Variants in ARSF observed in about 807,000 individuals in gnomAD.
The protein encoded by ARSF is arylsulfatase F.
ARSF carries 33 observed loss-of-function variants against 35.4 expected under a neutral mutation model. The observed-to-expected ratio is 0.93, with a 90% CI of 0.71 to 1.25. The LOEUF (loss-of-function observed/expected upper bound fraction) is 1.25. Among genes scored for constraint, ARSF ranks in the 50% most tolerant of loss-of-function variants. The probability of loss-of-function intolerance (pLI) is 0.00; values close to 1 mark genes in which losing one functional copy is unlikely to be tolerated. For synonymous variants in ARSF, 222 were observed against 193.1 expected (o/e 1.15, Z -1.24); for missense variants, 501 against 480.2 (o/e 1.04, Z -0.40).
rs1765647320 is a variant in ARSF, at chrX:3,056,349, C to T, written c.-28-11724C>T. On this transcript the variant is annotated intron_variant, in intron 1 of 10. Coordinates refer to ENST00000381127, the MANE Select transcript of ARSF (RefSeq NM_001201539.2). ...GGAGCACAGTGGCGCTATCTCGGCT[C>T]ACTGCAACCTCTGCCTCCCGGGTTC... Among the ~76,000 whole-genome samples, 4 of 106,923 alleles carry T rather than the reference C, an allele frequency of 3.7e-5. No homozygotes were observed. In the South Asian group the frequency reaches 1.7e-3, roughly 47 times the overall value. The allele number at this position is 106,923 out of a possible 115,157, so 92.8% of individuals were successfully genotyped here. A position where few individuals can be genotyped will look rare whatever the true frequency, so the allele number is the denominator to read the frequency against.
chrX:3,048,356 C>T (rs1401540039), intron 1 of ARSF, among the ~76,000 whole-genome samples: 2 of 112,200 alleles, frequency 1.8e-5, no homozygotes, highest in East Asian at 2.8e-4. Context: ...AAGGAAATTC[C>T]TTGTGGACAA....
At chrX:3,084,086 G>T (rs753259388) in intron 5 of ARSF, among the ~76,000 whole-genome samples, 157 bp from the exon 6 acceptor site, 1 of 112,025 alleles carries the variant, frequency 8.9e-6, no homozygotes, top group Non-Finnish European at 1.9e-5. Flanking sequence ...GTGGCTAAGT[G>T]GCACTCGGAT....
intron 2 of ARSF, among the ~76,000 whole-genome samples, chrX:3,070,702 T>C (rs769570585): frequency 1.3e-4 from 14 of 111,571 alleles, no homozygotes; most frequent in Non-Finnish European, 2.3e-4. Context: ...CTGCACACAA[T>C]GTGCGGTCTT....
Position 3,084,649 on chromosome X carries a change from G to A in ARSF, c.813G>A (p.Ala271=), listed in dbSNP as rs763968234. ...ERAGSIMVKE[A]ISFLERHSKE... is the part of the protein sequence containing the mutation. Reference sequence around the variant, plus strand: ...CTGGATCCATTATGGTGAAGGAAGCGATTTCCTTTTTAGAAAGGTAAGCGG... The same window carrying A: ...CTGGATCCATTATGGTGAAGGAAGCAATTTCCTTTTTAGAAAGGTAAGCGG... Residue 271 remains alanine (A), a synonymous_variant, in exon 6 of 11, where the codon GCG becomes GCA. Coordinates refer to ENST00000381127, the MANE Select transcript of ARSF (RefSeq NM_001201539.2). 1.3e-5 allele frequency: 15 copies of A among 1,162,001 alleles called. No individual in the cohort carries two copies. Among genetic ancestry groups the A allele is most frequent in the African/African-American group, 3.6e-5 (2 of 54,847 alleles).
intron 5 of ARSF, 146 bp downstream of exon 5, chrX:3,081,159 T>C: frequency 1.2e-6 from 1 of 808,563 alleles, no homozygotes; most frequent in Admixed American, 3.8e-5. Flanking sequence ...ATCCCAGTAC[T>C]TTGGGAGGCC....
chrX:3,060,431 G>A (rs1052634339), intron 1 of ARSF, among the ~76,000 whole-genome samples: 1 of 111,895 alleles, frequency 8.9e-6, no homozygotes, highest in Non-Finnish European at 1.9e-5. Flanking sequence ...AGCTCCTCAC[G>A]AGCAACGGAA....
intron 7 of ARSF, among the ~76,000 whole-genome samples, chrX:3,093,441 G>C (rs1291919058): frequency 9.0e-6 from 1 of 110,956 alleles, no homozygotes; most frequent in Non-Finnish European, 1.9e-5. Flanking sequence ...AGTCCCCAGT[G>C]TCTATTGTTC....
chrX:3,105,053 A>G (rs1425600989), intron 9 of ARSF, among the ~76,000 whole-genome samples: 1 of 111,968 alleles, frequency 8.9e-6, no homozygotes, highest in Non-Finnish European at 1.9e-5. Context: ...TTCATTGATC[A>G]CAGCTCTGCA....
intron 7 of ARSF, among the ~76,000 whole-genome samples, chrX:3,091,769 T>C (rs2090292127): frequency 9.0e-6 from 1 of 111,385 alleles, no homozygotes; most frequent in African/African-American, 3.3e-5. Context: ...AGATAGATGA[T>C]GGATAGATAG....
At chrX:3,045,682 A>C in intron 1 of ARSF, among the ~76,000 whole-genome samples, 1 of 106,788 alleles carries the variant, frequency 9.4e-6, no homozygotes, top group Non-Finnish European at 1.9e-5. Flanking sequence ...CAGCCTCCTG[A>C]GTAGCTGGGA....
chrX:3,085,356 G>T (rs1035918188), intron 6 of ARSF, among the ~76,000 whole-genome samples: 50 of 102,269 alleles, frequency 4.9e-4, no homozygotes, highest in Admixed American at 2.3e-3. Flanking sequence ...GATACATATA[G>T]ATAAATATAT....
At chrX:3,055,340 T>C (rs1242129995) in intron 1 of ARSF, among the ~76,000 whole-genome samples, 1 of 82,716 alleles carries the variant, frequency 1.2e-5, no homozygotes, top group African/African-American at 5.5e-5. Flanking sequence ...AAAACTCCAT[T>C]TCAAAAAAAA....
chrX:3,050,546 CAAA>C (rs572650651), intron 1 of ARSF, among the ~76,000 whole-genome samples: 1 of 53,254 alleles, frequency 1.9e-5, no homozygotes. Flanking sequence ...AACTCTGTCT[CAAA>C]AAAAAAAAAA....
intron 1 of ARSF, among the ~76,000 whole-genome samples, chrX:3,043,324 TA>T (rs2089962729): frequency 8.9e-6 from 1 of 111,916 alleles, no homozygotes; most frequent in Admixed American, 9.5e-5. Context: ...ATACAGTCTG[TA>T]AAAAAGGAAT....
chrX:3,041,084 G>A (rs2089953110), upstream of ARSF, among the ~76,000 whole-genome samples: 1 of 110,663 alleles, frequency 9.0e-6, no homozygotes, highest in African/African-American at 3.3e-5. Flanking sequence ...GGAAAAGCTT[G>A]AGGGCATGCC....
chrX:3,084,749 G>A, intron 6 of ARSF, 83 bp downstream of exon 6: 1 of 929,183 alleles, frequency 1.1e-6, no homozygotes, highest in Non-Finnish European at 1.4e-6. Context: ...TAGGGTGATT[G>A]TAGTTTATAA....
At position 3,084,372 on chromosome X, in the gene ARSF, G is replaced by A. The variant is rs761840114; in HGVS notation, c.536G>A (p.Arg179His). ...GACAGCTGCTGGCCGGACCCCTCTC[G>A]TAACACGGAATTAGCCTTTGAGAGT... Reference protein sequence around the residue: ...LVDSCWPDPSRNTELAFESQL... With the variant: ...LVDSCWPDPSHNTELAFESQL... The change falls in exon 6 of 11, where the codon CGT (arginine) becomes CAT (histidine). Residue 179 changes from arginine to histidine, a missense_variant. Coordinates refer to ENST00000381127, the MANE Select transcript of ARSF (RefSeq NM_001201539.2). 13 of 1,209,761 alleles carry A rather than the reference G, an allele frequency of 1.1e-5. No individual in the cohort carries two copies. Among genetic ancestry groups the A allele is most frequent in the African/African-American group, 1.1e-4 (6 of 57,086 alleles).
At chrX:3,068,193 T>C in intron 2 of ARSF, 82 bp downstream of exon 2, 2 of 933,782 alleles carry the variant, frequency 2.1e-6, no homozygotes, top group Non-Finnish European at 2.9e-6. Context: ...GCCTTATAGG[T>C]AGAGGCATTT....
At chrX:3,093,148 G>C (rs747823684) in intron 7 of ARSF, among the ~76,000 whole-genome samples, 4 of 111,773 alleles carry the variant, frequency 3.6e-5, no homozygotes, top group Non-Finnish European at 7.5e-5. Flanking sequence ...CTGGGCAACG[G>C]AGCGAGACTC....
Sources: gnomAD v4.1 joint callset for allele counts (sites outside exome capture counted in the v4.1 genomes callset) on GRCh38, gnomAD v4.1.1 for gene constraint, MANE v1.5 for transcripts, NCBI Gene and HGNC (gene_info 2026-07-23, HGNC 2026-07-21) for gene names.